Variants in CCDC15 observed in about 807,000 individuals in gnomAD.
The protein encoded by CCDC15 is coiled-coil domain containing 15.
CCDC15 carries 105 observed loss-of-function variants against 114.5 expected under a neutral mutation model. The observed-to-expected ratio is 0.92, with a 90% CI of 0.78 to 1.08. CCDC15 has a LOEUF of 1.08. Among genes scored for constraint, CCDC15 ranks in the 50% least tolerant of loss-of-function variants. The pLI is 0.00. For synonymous variants in CCDC15, 334 were observed against 377.8 expected (o/e 0.88, Z 1.34); for missense variants, 1,105 against 1,093.6 (o/e 1.01, Z -0.15).
intron 9 of CCDC15, among the ~76,000 whole-genome samples, chr11:124,992,066 G>T (rs946783785): frequency 1.3e-5 from 2 of 152,168 alleles, no homozygotes; most frequent in East Asian, 3.9e-4. Context: ...TGCTTCAGGA[G>T]CATAGAGTGT....
chr11:124,997,241 G>A (rs1431212423), intron 11 of CCDC15, among the ~76,000 whole-genome samples: 2 of 152,192 alleles, frequency 1.3e-5, no homozygotes, highest in African/African-American at 4.8e-5. Context: ...GTAATGGATA[G>A]AGGTGAAGAA....
At chr11:124,965,342 A>G (rs1421095596) in intron 4 of CCDC15, among the ~76,000 whole-genome samples, 1 of 152,152 alleles carries the variant, frequency 6.6e-6, no homozygotes, top group Non-Finnish European at 1.5e-5. Context: ...CTGTGCAAGG[A>G]TTCAACTTCT....
Position 124,987,941 on chromosome 11 carries a change from A to G in CCDC15, c.1715A>G (p.Lys572Arg), listed in dbSNP as rs747337981. 1 of 1,613,932 alleles carries G rather than the reference A, an allele frequency of 6.2e-7. No individual in the cohort carries two copies. The highest frequency in any genetic ancestry group is 8.5e-7 in the Non-Finnish European group (1 of 1,179,852). The change falls in exon 8 of 16, where the codon AAA becomes AGA. Residue 572 changes from lysine to arginine, a missense_variant. Lys to Arg is a conservative substitution (Grantham distance 26, BLOSUM62 2). Transcript: ENST00000344762. ...CCCAGAGACCAAGGTGTTCTTCCCA[A>G]AGACCAAAATATTCTACCCATATGT... ...FLPRDQGVLP[K>R]DQNILPICQD...
chr11:125,000,277 A>C (rs917584226), intron 11 of CCDC15, among the ~76,000 whole-genome samples: 26 of 152,090 alleles, frequency 1.7e-4, no homozygotes, highest in Non-Finnish European at 1.2e-4. Flanking sequence ...TTAAATTCCA[A>C]CTGTAAGTGA....
At chr11:124,972,425 C>T (rs1485712553) in intron 4 of CCDC15, among the ~76,000 whole-genome samples, 1 of 151,978 alleles carries the variant, frequency 6.6e-6, no homozygotes, top group Non-Finnish European at 1.5e-5. Flanking sequence ...ATGTAATGAC[C>T]AACATCATCT....
At chr11:124,966,620 T>C (rs1434023947) in intron 4 of CCDC15, among the ~76,000 whole-genome samples, 1 of 152,244 alleles carries the variant, frequency 6.6e-6, no homozygotes, top group African/African-American at 2.4e-5. Flanking sequence ...GTCTTTTAAT[T>C]GGGGCATTTA....
intron 6 of CCDC15, among the ~76,000 whole-genome samples, chr11:124,978,467 A>T (rs1162093101): frequency 6.6e-6 from 1 of 152,178 alleles, no homozygotes; most frequent in Non-Finnish European, 1.5e-5. Context: ...GAACTAATTT[A>T]CATTCCCCTT....
chr11:124,996,332 A>G (rs952974906), intron 11 of CCDC15, among the ~76,000 whole-genome samples: 2 of 152,152 alleles, frequency 1.3e-5, no homozygotes, highest in Non-Finnish European at 2.9e-5. Context: ...AAAAGCTATC[A>G]CACAATAACT....
At chr11:125,026,706 GTTGT>G (rs1426699372) in intron 13 of CCDC15, among the ~76,000 whole-genome samples, 1 of 152,036 alleles carries the variant, frequency 6.6e-6, no homozygotes, top group Non-Finnish European at 1.5e-5. Context: ...ACCATTTTAT[GTTGT>G]TTGTTTGTAT....
chr11:125,020,098 CAA>C (rs1948652352), intron 13 of CCDC15, among the ~76,000 whole-genome samples: 2 of 151,772 alleles, frequency 1.3e-5, no homozygotes, highest in African/African-American at 2.4e-5. Context: ...AATTGGGAGA[CAA>C]GAGAAAGGTT....
chr11:125,016,817 G>A (rs1373574476), intron 13 of CCDC15, among the ~76,000 whole-genome samples: 2 of 152,078 alleles, frequency 1.3e-5, no homozygotes, highest in Non-Finnish European at 2.9e-5. Context: ...AACTTCTTTA[G>A]CAATACTACT....
At chr11:125,020,953 A>G (rs1287487625) in intron 13 of CCDC15, among the ~76,000 whole-genome samples, 1 of 151,846 alleles carries the variant, frequency 6.6e-6, no homozygotes, top group Non-Finnish European at 1.5e-5. Flanking sequence ...CCTGTGAGAC[A>G]TCAAGTGGAG....
rs755676108 is a variant in CCDC15 at position 124,987,755 on chromosome 11, TG to T, written c.1530del (p.Leu510PhefsTer138). On this transcript the variant is annotated frameshift_variant, in exon 8 of 16. Coordinates refer to ENST00000344762, the MANE Select transcript of CCDC15 (RefSeq NM_025004.3). LOFTEE classifies it high-confidence loss of function. ...TTTCTACCTAAGGACCAGAATTTTT[TG>T]TCTAGAGACCAGCATGTTCTCCCCA... ...QNFLPKDQNF[L>X]SRDQHVLPKD... 1.2e-6 allele frequency: 2 copies of T among 1,614,026 alleles called. No homozygotes were observed. The highest frequency in any genetic ancestry group is 2.2e-5 in the South Asian group (2 of 91,080).
Position 125,039,089 on chromosome 11 carries a change from A to G in CCDC15, c.2734+20A>G, listed in dbSNP as rs368686339. Reference sequence around the variant, plus strand: ...ACAGAGGTAAGTTTCTTGAAGGAATAGTCAGGGCCTAATGGCAACAAGAAA... The same window carrying G: ...ACAGAGGTAAGTTTCTTGAAGGAATGGTCAGGGCCTAATGGCAACAAGAAA... On this transcript the variant is annotated intron_variant, in intron 15 of 15. Transcript: ENST00000344762. The G allele has an allele frequency of 1.3e-6, 2 of 1,564,440 alleles. No homozygotes were observed. Among genetic ancestry groups the G allele is most frequent in the African/African-American group, 2.7e-5 (2 of 73,126 alleles).
intron 2 of CCDC15, among the ~76,000 whole-genome samples, chr11:124,955,827 A>T (rs1472330845): frequency 2.0e-5 from 3 of 152,058 alleles, no homozygotes; most frequent in South Asian, 4.2e-4. Context: ...ATTTATTCCT[A>T]CCCTGCCTAT....
chr11:124,999,467 C>G (rs1434877673), intron 11 of CCDC15, among the ~76,000 whole-genome samples: 1 of 150,826 alleles, frequency 6.6e-6, no homozygotes. Context: ...TTTTTTCAGT[C>G]TTATTTTTTC....
At chr11:124,977,635 T>A in intron 6 of CCDC15, 35 bp downstream of exon 6, 1 of 1,584,560 alleles carries the variant, frequency 6.3e-7, no homozygotes, top group African/African-American at 1.4e-5. Context: ...GGAAAGACAT[T>A]GGCTTATTAG....
At chr11:124,993,663 C>G (rs1227001092) in intron 11 of CCDC15, among the ~76,000 whole-genome samples, 1 of 152,166 alleles carries the variant, frequency 6.6e-6, no homozygotes, top group African/African-American at 2.4e-5. Context: ...AAGATCCAGG[C>G]TCTGCCAGAG....
At chr11:124,958,707 G>A (rs1189399660) in intron 2 of CCDC15, among the ~76,000 whole-genome samples, 1 of 152,020 alleles carries the variant, frequency 6.6e-6, no homozygotes, top group Non-Finnish European at 1.5e-5. Context: ...CTGGGGAGTG[G>A]GTATTAAATG....
Sources: gnomAD v4.1 joint callset for allele counts (sites outside exome capture counted in the v4.1 genomes callset) on GRCh38, gnomAD v4.1.1 for gene constraint, MANE v1.5 for transcripts, NCBI Gene and HGNC (gene_info 2026-07-23, HGNC 2026-07-21) for gene names.